DLGAP2: variants seen among roughly 807,000 people sequenced by gnomAD.
DLGAP2 encodes disks large-associated protein 2.
Under a neutral mutation model 100.3 loss-of-function variants are expected in DLGAP2, and 26 were observed. The observed-to-expected ratio is 0.26, with a 90% CI of 0.19 to 0.36. DLGAP2 has a LOEUF of 0.36. Ranked by LOEUF, DLGAP2 falls within the 10% of genes least tolerant of loss-of-function variation. The probability of loss-of-function intolerance (pLI) is 1.00; values close to 1 mark genes in which losing one functional copy is unlikely to be tolerated. For missense variants in DLGAP2, 1,858 were observed against 1,453.2 expected (o/e 1.28, Z -4.53); for synonymous variants, 886 against 630.1 (o/e 1.41, Z -6.08).
chr8:1,219,980 G>T (rs550037872), intron 2 of DLGAP2, among the ~76,000 whole-genome samples: 1 of 151,682 alleles, frequency 6.6e-6, no homozygotes, highest in African/African-American at 2.4e-5. Context: ...ATTTCTGATT[G>T]TGTTTATTTG....
Position 889,521 on chromosome 8 carries a change from C to T in DLGAP2, c.19-18391C>T, listed in dbSNP as rs932123625. Among the ~76,000 whole-genome samples, 6 of 152,246 alleles carry T rather than the reference C, an allele frequency of 3.9e-5. No homozygotes were observed. The East Asian group carries it at 1.2e-3, about 29-fold the overall frequency. On this transcript the variant is annotated intron_variant, in intron 1 of 14. Transcript: ENST00000637795. Reference sequence around the variant, plus strand: ...ATTGGAGTTCTTGCAGGGAAGCCACCCACTGAGGAAGGATGGGTCAGGGTC... The same window carrying T: ...ATTGGAGTTCTTGCAGGGAAGCCACTCACTGAGGAAGGATGGGTCAGGGTC...
At chr8:824,163 C>T (rs1216541218) in intron 1 of DLGAP2, among the ~76,000 whole-genome samples, 1 of 152,128 alleles carries the variant, frequency 6.6e-6, no homozygotes, top group Non-Finnish European at 1.5e-5. Context: ...CAGCCTCAAC[C>T]TCCTGGGCTC....
At chr8:1,161,937 T>TACAC (rs1796898279) in intron 2 of DLGAP2, among the ~76,000 whole-genome samples, 1 of 152,224 alleles carries the variant, frequency 6.6e-6, no homozygotes, top group Non-Finnish European at 1.5e-5. Context: ...AGGAGATCCG[T>TACAC]GTGCCAAGTC....
intron 3 of DLGAP2, among the ~76,000 whole-genome samples, chr8:1,287,158 G>GTGTGCGCA (rs71190715): frequency 3.5e-4 from 26 of 75,074 alleles, no homozygotes; most frequent in South Asian, 1.2e-3. Context: ...GTGTGTGTGT[G>GTGTGCGCA]CGCGCGCGCG....
intron 1 of DLGAP2, among the ~76,000 whole-genome samples, chr8:745,062 C>G (rs1024590419): frequency 6.6e-6 from 1 of 152,200 alleles, no homozygotes; most frequent in Non-Finnish European, 1.5e-5. Flanking sequence ...AAATACACAC[C>G]GTGAATGCCT....
chr8:921,327 G>A lies in DLGAP2; in HGVS notation c.73+13361G>A, dbSNP rs759631367. Among the ~76,000 whole-genome samples, 7 of 151,994 alleles carry A rather than the reference G, an allele frequency of 4.6e-5. 1 individual carries two copies. Among genetic ancestry groups the A allele is most frequent in the South Asian group, 4.2e-4 (2 of 4,814 alleles). On this transcript the variant is annotated intron_variant, in intron 2 of 14. Transcript: ENST00000637795. ...CTGTTGCAGTGTTGAGTGTGGATGC[G>A]TGTCTATGGCCATTTCTGTGTCCAC...
intron 2 of DLGAP2, among the ~76,000 whole-genome samples, chr8:987,618 T>C (rs1300672700): frequency 6.6e-6 from 1 of 152,150 alleles, no homozygotes; most frequent in African/African-American, 2.4e-5. Context: ...TTTGTCAAGA[T>C]CTTTAGCTTC....
chr8:1,506,610 T>C (rs889973136), intron 4 of DLGAP2, among the ~76,000 whole-genome samples: 1 of 152,206 alleles, frequency 6.6e-6, no homozygotes, highest in South Asian at 2.1e-4. Context: ...TCTCAGCAGG[T>C]TGCCAGTGCC....
chr8:1,465,847 G>T (rs1798613559), intron 3 of DLGAP2, among the ~76,000 whole-genome samples: 1 of 152,226 alleles, frequency 6.6e-6, no homozygotes, highest in African/African-American at 2.4e-5. Flanking sequence ...CCTCTGGGGT[G>T]AGGGTTTTGG....
intron 2 of DLGAP2, among the ~76,000 whole-genome samples, chr8:1,165,862 A>T (rs1165795037): frequency 6.6e-6 from 1 of 152,096 alleles, no homozygotes; most frequent in Non-Finnish European, 1.5e-5. Flanking sequence ...TTAAGGGAAA[A>T]AAAAAACATT....
At chr8:1,687,899 A>C (rs746867978) in intron 12 of DLGAP2, among the ~76,000 whole-genome samples, 1 of 152,216 alleles carries the variant, frequency 6.6e-6, no homozygotes, top group Non-Finnish European at 1.5e-5. Context: ...AGTCCCTTTA[A>C]ATATCTTCAT....
chr8:1,081,009 CAT>C (rs1338471696), intron 2 of DLGAP2, among the ~76,000 whole-genome samples: 7 of 152,112 alleles, frequency 4.6e-5, no homozygotes, highest in Admixed American at 1.3e-4. Flanking sequence ...TTAGCATACA[CAT>C]ATATTGTGTT....
At chr8:799,043 A>T (rs1796094674) in intron 1 of DLGAP2, among the ~76,000 whole-genome samples, 1 of 152,166 alleles carries the variant, frequency 6.6e-6, no homozygotes, top group Non-Finnish European at 1.5e-5. Context: ...ACATGTTGGG[A>T]TTAAGAGACT....
chr8:786,679 C>T (rs1585862079), intron 1 of DLGAP2, among the ~76,000 whole-genome samples: 1 of 152,180 alleles, frequency 6.6e-6, no homozygotes, highest in African/African-American at 2.4e-5. Context: ...GGCCTCGCTG[C>T]TGGCTGGGAG....
intron 1 of DLGAP2, among the ~76,000 whole-genome samples, chr8:849,817 C>G (rs558764457): frequency 6.6e-6 from 1 of 152,196 alleles, no homozygotes; most frequent in Non-Finnish European, 1.5e-5. Context: ...GTGGCTCACA[C>G]CTGAAATCCC....
chr8:1,335,460 A>T (rs564214705), intron 3 of DLGAP2, among the ~76,000 whole-genome samples: 1 of 152,194 alleles, frequency 6.6e-6, no homozygotes, highest in Non-Finnish European at 1.5e-5. Context: ...CAAACGGGAC[A>T]GTGTGCTTCC....
chr8:1,530,310 C>A (rs1386830687), intron 4 of DLGAP2, among the ~76,000 whole-genome samples: 2 of 152,100 alleles, frequency 1.3e-5, no homozygotes, highest in Non-Finnish European at 2.9e-5. Flanking sequence ...AAGAATTCAG[C>A]GATATTTCTC....
chr8:1,415,221 C>G (rs1796848116), intron 3 of DLGAP2, among the ~76,000 whole-genome samples: 1 of 152,156 alleles, frequency 6.6e-6, no homozygotes. Flanking sequence ...CTCCAGGCAG[C>G]CCTAAACTGG....
chr8:1,410,510 T>C (rs1399843043), intron 3 of DLGAP2, among the ~76,000 whole-genome samples: 3 of 152,252 alleles, frequency 2.0e-5, no homozygotes, highest in Non-Finnish European at 2.9e-5. Flanking sequence ...GAAGGCTTCC[T>C]GCAGGGGTCC....
Sources: gnomAD v4.1 joint callset for allele counts (sites outside exome capture counted in the v4.1 genomes callset) on GRCh38, gnomAD v4.1.1 for gene constraint, MANE v1.5 for transcripts, NCBI Gene and HGNC (gene_info 2026-07-23, HGNC 2026-07-21) for gene names.